Variants in PCDHGA3 observed in about 807,000 individuals in gnomAD.
PCDHGA3 encodes the protein protocadherin gamma-A3.
In PCDHGA3, 40 loss-of-function variants were observed where a neutral mutation model predicts 58.5. That is an observed-to-expected ratio of 0.68 (90% CI 0.53 to 0.89). The LOEUF (loss-of-function observed/expected upper bound fraction) is 0.89, where lower values mean the gene tolerates loss of function less well. Among genes scored for constraint, PCDHGA3 ranks in the 40% least tolerant of loss-of-function variants. The probability of loss-of-function intolerance (pLI) is 0.00; values close to 1 mark genes in which losing one functional copy is unlikely to be tolerated. For missense variants in PCDHGA3, 1,223 were observed against 1,195.9 expected (o/e 1.02, Z -0.33); for synonymous variants, 530 against 525.7 (o/e 1.01, Z -0.11).
chr5:141,395,264 A>C (rs2093207486), intron 1 of PCDHGA3: 1 of 1,549,832 alleles, frequency 6.5e-7, no homozygotes, highest in Non-Finnish European at 8.7e-7. Context: ...GCTTGCTTTT[A>C]ATTTCCAGAT....
At position 141,413,154 on chromosome 5, in the gene PCDHGA3, A is replaced by C. The variant is rs1308503780; in HGVS notation, c.2424+66697A>C. 10 of 1,576,026 alleles carry C rather than the reference A, an allele frequency of 6.3e-6. No homozygotes were observed. In the South Asian group the frequency reaches 1.2e-4, roughly 18 times the overall value. ...ACAACGTGTCCAGTGAGGACTTTGC[A>C]GAATTCTGTAACCAGACTACAATGG... On this transcript the variant is annotated intron_variant, in intron 1 of 3. Coordinates refer to ENST00000253812, the MANE Select transcript of PCDHGA3 (RefSeq NM_018916.4).
At chr5:141,364,936 C>T in intron 1 of PCDHGA3, 1 of 1,613,878 alleles carries the variant, frequency 6.2e-7, no homozygotes, top group South Asian at 1.1e-5. Flanking sequence ...CCCTAGACCG[C>T]GAGAAAGAGA....
chr5:141,400,656 A>G (rs72790034), intron 1 of PCDHGA3: 33,230 of 1,084,006 alleles, frequency 0.031, 658 homozygotes, highest in East Asian at 0.041. Context: ...CTGTCCTACC[A>G]TTCTTTAAGA....
Position 141,491,414 on chromosome 5 carries a change from G to A in PCDHGA3, c.2425-3393G>A. On this transcript the variant is annotated intron_variant, in intron 1 of 3. Coordinates refer to ENST00000253812, the MANE Select transcript of PCDHGA3 (RefSeq NM_018916.4). The surrounding 1 kb of genome is among the most constrained non-coding windows in gnomAD (Gnocchi z 6.9). ...CTTCAGGGAAACGCAGACGGGGACGGGGGTGGAGGGCAGTGCTGCAGGCGC... is the reference window on the plus strand; with the variant it reads ...CTTCAGGGAAACGCAGACGGGGACGAGGGTGGAGGGCAGTGCTGCAGGCGC... 2 of 1,614,126 alleles carry A rather than the reference G, an allele frequency of 1.2e-6. No individual in the cohort carries two copies. Among genetic ancestry groups the A allele is most frequent in the Non-Finnish European group, 1.7e-6 (2 of 1,180,022 alleles).
Position 141,510,985 on chromosome 5 carries a change from G to A in PCDHGA3, c.2611G>A (p.Gly871Ser), listed in dbSNP as rs1278517639. Residue 871 changes from glycine to serine, a missense_variant, in exon 4 of 4, where the codon GGC becomes AGC. Transcript: ENST00000253812. ...DGSSTLGGGA[G>S]TMGLSARYGP... ...GAGCTCCACCCTGGGAGGGGGTGCCGGCACCATGGGATTGAGCGCCCGCTA... is the reference window on the plus strand; with the variant it reads ...GAGCTCCACCCTGGGAGGGGGTGCCAGCACCATGGGATTGAGCGCCCGCTA... 19 of 1,614,090 alleles carry A rather than the reference G, an allele frequency of 1.2e-5. No individual in the cohort carries two copies. The highest frequency in any genetic ancestry group is 2.2e-5 in the East Asian group (1 of 44,880).
chr5:141,393,443 G>T, intron 1 of PCDHGA3: 1 of 1,614,048 alleles, frequency 6.2e-7, no homozygotes, highest in Non-Finnish European at 8.5e-7. Context: ...CTCACCACCT[G>T]GTCCTCACGG....
At chr5:141,478,740 C>T (rs2099474176) in intron 1 of PCDHGA3, 7 of 1,531,524 alleles carry the variant, frequency 4.6e-6, no homozygotes, top group Non-Finnish European at 6.2e-6. Flanking sequence ...GGTTTGTGGT[C>T]CCATTTCAGG....
At chr5:141,484,120 C>A (rs1158603108) in intron 1 of PCDHGA3, among the ~76,000 whole-genome samples, 1 of 152,146 alleles carries the variant, frequency 6.6e-6, no homozygotes, top group African/African-American at 2.4e-5. Flanking sequence ...ATCAAGAATA[C>A]CTTGGTGTCA....
intron 1 of PCDHGA3, chr5:141,362,613 T>G: frequency 6.4e-7 from 1 of 1,552,174 alleles, no homozygotes; most frequent in East Asian, 2.3e-5. Context: ...CTAATTTGGG[T>G]AGGAAGTTCC....
chr5:141,428,056 C>T (rs2097104330), intron 1 of PCDHGA3: 3 of 1,609,000 alleles, frequency 1.9e-6, no homozygotes, highest in African/African-American at 1.3e-5. Flanking sequence ...AAGGTGGTGG[C>T]GGTGGACGCA....
chr5:141,500,521 A>T lies in PCDHGA3; in HGVS notation c.2484-4872A>T, dbSNP rs185546944. 3.7e-3 allele frequency among the ~76,000 whole-genome samples: 560 copies of T among 152,176 alleles called. 5 individuals are homozygous for T. Among genetic ancestry groups the T allele is most frequent in the Admixed American group, 0.011 (162 of 15,280 alleles). On this transcript the variant is annotated intron_variant, in intron 2 of 3. Coordinates refer to ENST00000253812, the MANE Select transcript of PCDHGA3 (RefSeq NM_018916.4). Reference sequence around the variant, plus strand: ...ACCGCGCCTGGCCGAGCTTCATTTTAAAAAAATCTCATTCACCTAAATAAG... The same window carrying T: ...ACCGCGCCTGGCCGAGCTTCATTTTTAAAAAATCTCATTCACCTAAATAAG...
At chr5:141,392,010 A>T (rs949188518) in intron 1 of PCDHGA3, 1 of 152,234 alleles carries the variant, frequency 6.6e-6, no homozygotes, top group African/African-American at 2.4e-5. Context: ...TGCAATGGTA[A>T]AAGCATTTAT....
chr5:141,384,013 C>T, intron 1 of PCDHGA3: 1 of 1,613,758 alleles, frequency 6.2e-7, no homozygotes, highest in Non-Finnish European at 8.5e-7. Context: ...TTTCTACCTA[C>T]AAGACAGAGA....
intron 1 of PCDHGA3, chr5:141,357,176 C>T (rs773715836): frequency 6.2e-7 from 1 of 1,613,788 alleles, no homozygotes; most frequent in Admixed American, 1.7e-5. Context: ...GCCACCGTCA[C>T]ACTCACTGTG....
chr5:141,467,296 A>G lies in PCDHGA3; in HGVS notation c.2425-27511A>G, dbSNP rs1032802325. Among the ~76,000 whole-genome samples the G allele has an allele frequency of 6.6e-5, 10 of 151,858 alleles. No individual in the cohort carries two copies. The East Asian group carries it at 9.7e-4, about 15-fold the overall frequency. On this transcript the variant is annotated intron_variant, in intron 1 of 3. Transcript: ENST00000253812. The stretch of plus-strand genomic sequence containing the variant: ...TCGAACTCTTGACCTCAAGTGATCC[A>G]CTCACCTCGGCCTCCCACAGTGCTG...
intron 1 of PCDHGA3, among the ~76,000 whole-genome samples, chr5:141,373,507 A>T (rs1769637375): frequency 6.6e-6 from 1 of 152,236 alleles, no homozygotes; most frequent in Non-Finnish European, 1.5e-5. Flanking sequence ...TGGGAGACAG[A>T]GCGAGACTTT....
chr5:141,479,806 G>A (rs1188862048), intron 1 of PCDHGA3, among the ~76,000 whole-genome samples: 1 of 152,182 alleles, frequency 6.6e-6, no homozygotes, highest in Non-Finnish European at 1.5e-5. Context: ...AGGGTGGTAT[G>A]CAAGGATACT....
chr5:141,386,746 C>A (rs2090695980), intron 1 of PCDHGA3, among the ~76,000 whole-genome samples: 1 of 152,144 alleles, frequency 6.6e-6, no homozygotes, highest in Non-Finnish European at 1.5e-5. Context: ...GATCCTATGG[C>A]AGAACTACGG....
intron 1 of PCDHGA3, chr5:141,392,660 C>A: frequency 1.3e-6 from 1 of 797,246 alleles, no homozygotes; most frequent in Non-Finnish European, 1.9e-6. Flanking sequence ...GCAGATGCCA[C>A]AAACTAACTG....
Sources: gnomAD v4.1 joint callset for allele counts (sites outside exome capture counted in the v4.1 genomes callset) on GRCh38, gnomAD v4.1.1 for gene constraint, Gnocchi (gnomAD v3.1) non-coding constraint, MANE v1.5 for transcripts, NCBI Gene and HGNC (gene_info 2026-07-23, HGNC 2026-07-21) for gene names.